FAM107A: variants seen among roughly 807,000 people sequenced by gnomAD.
The protein encoded by FAM107A is family with sequence similarity 107 member A.
FAM107A carries 19 observed loss-of-function variants against 13.7 expected under a neutral mutation model. The observed-to-expected ratio is 1.38, with a 90% CI of 0.97 to 2.03. The LOEUF (loss-of-function observed/expected upper bound fraction) is 2.03. Among genes scored for constraint, FAM107A ranks in the 30% most tolerant of loss-of-function variants. The pLI is 0.00. For synonymous variants in FAM107A, 82 were observed against 74.5 expected, an observed-to-expected ratio of 1.10 and a Z score of -0.52; for missense variants, 203 against 184.4, an observed-to-expected ratio of 1.10 and a Z score of -0.58.
chr3:58,589,431 ATG>A (rs139383869), upstream of FAM107A, among the ~76,000 whole-genome samples: 24 of 150,802 alleles, frequency 1.6e-4, no homozygotes, highest in Admixed American at 2.0e-4. Flanking sequence ...TTTGGAATGG[ATG>A]TGTGTGTGTG....
upstream of FAM107A, among the ~76,000 whole-genome samples, chr3:58,581,192 G>C (rs1338674037): frequency 2.6e-5 from 4 of 152,228 alleles, no homozygotes; most frequent in Admixed American, 2.0e-4. Flanking sequence ...GGCATCAAAG[G>C]GGGAAGCCCA....
rs1379642087 is a variant in FAM107A at position 58,604,081 on chromosome 3, C to T, written c.-69-14812G>A. Among the ~76,000 whole-genome samples, 1 of 152,124 alleles carries T rather than the reference C, an allele frequency of 6.6e-6. No individual in the cohort carries two copies. The highest frequency in any genetic ancestry group is 1.5e-5 in the Non-Finnish European group (1 of 68,030). On this transcript the variant is annotated intron_variant, in intron 1 of 3. Transcript: ENST00000465970. This position sits in a 1 kb window ranked among gnomAD's most constrained non-coding sequence, Gnocchi z 4.1. The stretch of plus-strand genomic sequence containing the variant: ...GCCTGCTCTCTGAGCTTCACACTAG[C>T]ATGTCGGCTGATGAGCAGTTTCCAC...
intron 1 of FAM107A, among the ~76,000 whole-genome samples, chr3:58,611,019 T>G (rs1432108088): frequency 6.6e-6 from 1 of 152,206 alleles, no homozygotes; most frequent in African/African-American, 2.4e-5. Flanking sequence ...GAGTGAGTTC[T>G]CACGAGATCT....
chr3:58,624,869 C>A (rs2065996469), intron 1 of FAM107A, among the ~76,000 whole-genome samples: 1 of 152,234 alleles, frequency 6.6e-6, no homozygotes, highest in Non-Finnish European at 1.5e-5. Context: ...TTAGTCTCTG[C>A]AACTGACAGG....
At chr3:58,578,717 A>C (rs1025164557), upstream of FAM107A, among the ~76,000 whole-genome samples, 3 of 152,164 alleles carry the variant, frequency 2.0e-5, no homozygotes, top group Non-Finnish European at 4.4e-5. Flanking sequence ...AGTGTTTTCT[A>C]TCGTTTAGTG....
intron 3 of FAM107A, 122 bp downstream of exon 3, chr3:58,567,086 T>C (rs2063629359): frequency 7.9e-7 from 1 of 1,260,156 alleles, no homozygotes; most frequent in Non-Finnish European, 1.1e-6. Context: ...AGGAGTGGAC[T>C]CTTAGTCCAG....
intron 1 of FAM107A, among the ~76,000 whole-genome samples, chr3:58,596,760 C>G (rs992380662): frequency 6.6e-6 from 1 of 151,868 alleles, no homozygotes; most frequent in Admixed American, 6.6e-5. Context: ...ACACACATAA[C>G]CACCTCCAAG....
chr3:58,594,567 C>T (rs911120376), intron 1 of FAM107A, among the ~76,000 whole-genome samples: 4 of 152,164 alleles, frequency 2.6e-5, no homozygotes, highest in South Asian at 2.1e-4. Flanking sequence ...GCTTCTCCAC[C>T]TATATGTGTC....
At chr3:58,587,058 A>T in exon 1 of FAM107A, 1 of 1,365,656 alleles carries the variant, frequency 7.3e-7, no homozygotes, top group Non-Finnish European at 9.4e-7. Flanking sequence ...AACCCCGCTG[A>T]GGGTCAAGTT....
chr3:58,612,225 A>G (rs1455106208), intron 1 of FAM107A, among the ~76,000 whole-genome samples: 1 of 152,190 alleles, frequency 6.6e-6, no homozygotes, highest in Non-Finnish European at 1.5e-5. Flanking sequence ...ATATCCAAAA[A>G]TCAGGGATTG....
intron 1 of FAM107A, among the ~76,000 whole-genome samples, chr3:58,571,897 T>C (rs566633829): frequency 1.3e-5 from 2 of 152,292 alleles, no homozygotes; most frequent in East Asian, 3.9e-4. Context: ...TTGCTTTTCA[T>C]CAGCCACACC....
chr3:58,627,240 CCTT>C (rs2066027945), intron 1 of FAM107A: 1 of 533,532 alleles, frequency 1.9e-6, no homozygotes, highest in South Asian at 2.9e-5. Flanking sequence ...GCTTCTATGC[CCTT>C]CTTGGGTCCC....
At position 58,617,599 on chromosome 3, in the gene FAM107A, C is replaced by G. The variant is rs1415762180; in HGVS notation, c.-70+9817G>C. Among the ~76,000 whole-genome samples, 1 of 152,184 alleles carries G rather than the reference C, an allele frequency of 6.6e-6. No individual in the cohort carries two copies. The highest frequency in any genetic ancestry group is 2.4e-5 in the African/African-American group (1 of 41,440). On this transcript the variant is annotated intron_variant, in intron 1 of 3. Coordinates refer to the FAM107A transcript ENST00000465970. The surrounding 1 kb of genome is among the most constrained non-coding windows in gnomAD (Gnocchi z 4.5). The stretch of plus-strand genomic sequence containing the variant: ...ATGTTAGTTTGGGAGACACAGTGTT[C>G]TGAAAGCCGATCCCTGGGGCCCAGG...
chr3:58,625,800 TAAC>T (rs1391568010), intron 1 of FAM107A, among the ~76,000 whole-genome samples: 3 of 152,112 alleles, frequency 2.0e-5, no homozygotes, highest in Non-Finnish European at 4.4e-5. Context: ...CTTTCCAAAT[TAAC>T]AACAATAGCA....
At chr3:58,575,560 T>A (rs1171678860) in intron 1 of FAM107A, among the ~76,000 whole-genome samples, 1 of 152,184 alleles carries the variant, frequency 6.6e-6, no homozygotes, top group Non-Finnish European at 1.5e-5. Flanking sequence ...AGCCAGGACC[T>A]TGGACGCCAA....
At chr3:58,573,772 C>G (rs1192397973) in intron 1 of FAM107A, 1 of 152,348 alleles carries the variant, frequency 6.6e-6, no homozygotes, top group Non-Finnish European at 1.5e-5. Flanking sequence ...GCCTCCCTAC[C>G]CTCTGGAGCT....
Position 58,566,633 on chromosome 3 carries a change from G to C in FAM107A, c.390C>G (p.Asn130Lys). The C allele has an allele frequency of 1.2e-6, 2 of 1,614,020 alleles. No homozygotes were observed. The highest frequency in any genetic ancestry group is 1.1e-5 in the South Asian group (1 of 91,076). The change falls in exon 4 of 4, where the codon AAC (asparagine) becomes AAG (lysine). Residue 130 changes from asparagine (N) to lysine (K), a missense_variant. Coordinates refer to ENST00000360997, the MANE Select transcript of FAM107A (RefSeq NM_001076778.3). ...TGGTCAGTGTGGCAATTCTCCGCAG[G>C]TTTTCCCTGACTTTAATAAACTCGG... ...HAPEFIKVRENLRRIATLTSE... is the reference protein window; with the variant it reads ...HAPEFIKVREKLRRIATLTSE...
At chr3:58,587,091 G>A in exon 1 of FAM107A, 1 of 1,370,056 alleles carries the variant, frequency 7.3e-7, no homozygotes. Flanking sequence ...GGAGGGGCGG[G>A]CGAGGAGACG....
intron 1 of FAM107A, among the ~76,000 whole-genome samples, chr3:58,601,899 T>G (rs897681266): frequency 3.9e-5 from 6 of 152,194 alleles, no homozygotes; most frequent in African/African-American, 1.4e-4. Context: ...TTTCAAAGTC[T>G]TTGTGGTGTA....
Sources: gnomAD v4.1 joint callset for allele counts (sites outside exome capture counted in the v4.1 genomes callset) on GRCh38, gnomAD v4.1.1 for gene constraint, Gnocchi (gnomAD v3.1) non-coding constraint, MANE v1.5 for transcripts, NCBI Gene and HGNC (gene_info 2026-07-23, HGNC 2026-07-21) for gene names.